The following CAMK1D variants were observed in gnomAD, a reference collection of about 807,000 sequenced individuals.
The protein encoded by CAMK1D is calcium/calmodulin dependent protein kinase ID.
A neutral mutation model predicts 47.7 loss-of-function variants in CAMK1D; 9 were observed. The ratio of observed to expected loss-of-function variants is 0.19; its 90% CI spans 0.11 to 0.33. CAMK1D has a LOEUF of 0.33. Ranked by LOEUF, CAMK1D falls within the 10% of genes least tolerant of loss-of-function variation. CAMK1D has a pLI of 1.00. For synonymous variants in CAMK1D, 184 were observed against 184.9 expected, an observed-to-expected ratio of 0.99 and a Z score of 0.04; for missense variants, 291 against 488.7, an observed-to-expected ratio of 0.60 and a Z score of 3.81.
At chr10:12,740,566 C>G (rs1385337860) in intron 3 of CAMK1D, among the ~76,000 whole-genome samples, 1 of 152,030 alleles carries the variant, frequency 6.6e-6, no homozygotes, top group African/African-American at 2.4e-5. Flanking sequence ...CCACTGCGCT[C>G]CAGCCTGGGT....
chr10:12,660,656 A>G (rs1248948187), intron 2 of CAMK1D, among the ~76,000 whole-genome samples: 2 of 152,126 alleles, frequency 1.3e-5, no homozygotes, highest in Non-Finnish European at 2.9e-5. Context: ...ATTGGAGATT[A>G]TGGAGGCTTT....
At chr10:12,569,886 A>G (rs1379674518) in intron 2 of CAMK1D, among the ~76,000 whole-genome samples, 1 of 151,898 alleles carries the variant, frequency 6.6e-6, no homozygotes, top group African/African-American at 2.4e-5. Flanking sequence ...AGACTCTACA[A>G]GTACTTGAGG....
Position 12,532,411 on chromosome 10 carries a change from C to G in CAMK1D, c.93-20814C>G. 1.3e-5 allele frequency among the ~76,000 whole-genome samples: 2 copies of G among 151,316 alleles called. 1 individual carries two copies. On this transcript the variant is annotated intron_variant, in intron 1 of 10. Coordinates refer to ENST00000619168, the MANE Select transcript of CAMK1D (RefSeq NM_153498.4). ...TCTCCTGCCTCAGCCTCCCAAGTAG[C>G]TGGGACTACAGGCGCCCGCCACTAC...
intron 1 of CAMK1D, among the ~76,000 whole-genome samples, chr10:12,516,265 C>T (rs980094425): frequency 5.9e-5 from 9 of 152,230 alleles, no homozygotes; most frequent in East Asian, 1.9e-4. Context: ...TGCAGCACCA[C>T]GCCTGGCTAA....
chr10:12,768,571 C>T (rs2482052), intron 4 of CAMK1D, among the ~76,000 whole-genome samples: 119,708 of 152,006 alleles, frequency 0.79, 47,422 homozygotes, highest in African/African-American at 0.83. Context: ...TCCTCATTCA[C>T]TGGGTGAGGA....
intron 3 of CAMK1D, among the ~76,000 whole-genome samples, chr10:12,723,903 T>C (rs1045770969): frequency 1.3e-5 from 2 of 152,126 alleles, no homozygotes; most frequent in Non-Finnish European, 2.9e-5. Flanking sequence ...ATGCTATCCC[T>C]CCCCACTCCC....
chr10:12,659,989 C>T (rs1312034794), intron 2 of CAMK1D, among the ~76,000 whole-genome samples: 5 of 152,340 alleles, frequency 3.3e-5, no homozygotes, highest in African/African-American at 1.2e-4. Context: ...ATCCCCACCT[C>T]ATCCTCTCTT....
intron 3 of CAMK1D, among the ~76,000 whole-genome samples, chr10:12,738,664 C>G (rs1025259334): frequency 2.0e-5 from 3 of 151,736 alleles, no homozygotes; most frequent in Non-Finnish European, 4.4e-5. Context: ...AACCCCATCT[C>G]TACTAAAAAT....
At position 12,505,862 on chromosome 10, in the gene CAMK1D, C is replaced by T. The variant is rs555363022; in HGVS notation, c.93-47363C>T. ...TGATTTTCAGACAGCTGTCATCTTC[C>T]TCCTCCTCCTCCTCCTCCTCCCTTG... On this transcript the variant is annotated intron_variant, in intron 1 of 10. Transcript: ENST00000619168. Among the ~76,000 whole-genome samples, 67 of 88,784 alleles carry T rather than the reference C, an allele frequency of 7.5e-4. No individual in the cohort carries two copies. The East Asian group carries it at 0.011, about 14-fold the overall frequency. The allele number at this position is 88,784 out of a possible 152,430, so 58.2% of individuals were successfully genotyped here. A position where few individuals can be genotyped will look rare whatever the true frequency, so the allele number is the denominator to read the frequency against.
At chr10:12,446,248 G>T (rs1832921711) in intron 1 of CAMK1D, among the ~76,000 whole-genome samples, 1 of 152,204 alleles carries the variant, frequency 6.6e-6, no homozygotes. Flanking sequence ...AGACAGAGCA[G>T]CCCCGAGGGC....
chr10:12,600,280 C>G (rs1838263187), intron 2 of CAMK1D, among the ~76,000 whole-genome samples: 1 of 152,234 alleles, frequency 6.6e-6, no homozygotes, highest in Non-Finnish European at 1.5e-5. Context: ...GTTTCTAGTT[C>G]AGCATTCCCT....
At chr10:12,811,567 T>C (rs1832607313) in intron 6 of CAMK1D, among the ~76,000 whole-genome samples, 1 of 152,058 alleles carries the variant, frequency 6.6e-6, no homozygotes, top group African/African-American at 2.4e-5. Flanking sequence ...AAACACAATA[T>C]CCTATAATAC....
At chr10:12,530,111 T>G (rs1835756582) in intron 1 of CAMK1D, among the ~76,000 whole-genome samples, 1 of 152,200 alleles carries the variant, frequency 6.6e-6, no homozygotes, top group African/African-American at 2.4e-5. Flanking sequence ...ATCCCTGTTC[T>G]GTGTAAGGGG....
At chr10:12,816,940 T>C (rs547119732) in intron 8 of CAMK1D, among the ~76,000 whole-genome samples, 6 of 150,618 alleles carry the variant, frequency 4.0e-5, no homozygotes, top group East Asian at 2.0e-4. Flanking sequence ...GGAGGTTTCA[T>C]TGGACTCACA....
chr10:12,623,037 G>T (rs1324750908), intron 2 of CAMK1D, among the ~76,000 whole-genome samples: 1 of 122,072 alleles, frequency 8.2e-6, no homozygotes, highest in Non-Finnish European at 1.7e-5. Flanking sequence ...CCTTCCCTTC[G>T]CCCTTCCCTC....
At chr10:12,470,764 ACCTCCGGCT>A (rs1833721561) in intron 1 of CAMK1D, among the ~76,000 whole-genome samples, 1 of 152,054 alleles carries the variant, frequency 6.6e-6, no homozygotes. Context: ...GGATACACCC[ACCTCCGGCT>A]CCCAAAGTGC....
chr10:12,594,803 T>A (rs529257257), intron 2 of CAMK1D, among the ~76,000 whole-genome samples: 2 of 152,324 alleles, frequency 1.3e-5, no homozygotes, highest in African/African-American at 4.8e-5. Flanking sequence ...GGTTCTCATC[T>A]GCTCGGCCTC....
chr10:12,485,099 C>T (rs1263003918), intron 1 of CAMK1D, among the ~76,000 whole-genome samples: 1 of 152,198 alleles, frequency 6.6e-6, no homozygotes, highest in Admixed American at 6.5e-5. Context: ...TTTCACCGCT[C>T]CCCATACGGG....
rs35267875 is a variant in CAMK1D, at chr10:12,736,207, C to T, written c.300-24741C>T. On this transcript the variant is annotated intron_variant, in intron 3 of 10. Coordinates refer to ENST00000619168, the MANE Select transcript of CAMK1D (RefSeq NM_153498.4). The stretch of plus-strand genomic sequence containing the variant: ...AGTGAGGAAGACCATGCTCACTTGC[C>T]TCCTCTCTTGCCTCCCCTCAACTTC... Among the ~76,000 whole-genome samples, 1,152 of 152,316 alleles carry T rather than the reference C, an allele frequency of 7.6e-3. 8 individuals carry two copies. The highest frequency in any genetic ancestry group is 0.013 in the Non-Finnish European group (875 of 68,026).
Sources: gnomAD v4.1 joint callset for allele counts (sites outside exome capture counted in the v4.1 genomes callset) on GRCh38, gnomAD v4.1.1 for gene constraint, MANE v1.5 for transcripts, NCBI Gene and HGNC (gene_info 2026-07-23, HGNC 2026-07-21) for gene names.